BAHCC1: variants seen among roughly 807,000 people sequenced by gnomAD.
The protein encoded by BAHCC1 is BAH and coiled-coil domain-containing protein 1.
Under a neutral mutation model 88.2 loss-of-function variants are expected in BAHCC1, and 43 were observed. The ratio of observed to expected loss-of-function variants is 0.49; its 90% CI spans 0.38 to 0.63. BAHCC1 has a LOEUF of 0.63. Ranked by LOEUF, BAHCC1 falls within the 20% of genes least tolerant of loss-of-function variation. BAHCC1 has a pLI of 0.00. For missense variants in BAHCC1, 3,023 were observed against 1,654.8 expected (o/e 1.83, Z -14.34); for synonymous variants, 1,510 against 745.5 (o/e 2.03, Z -16.71).
rs1470584666 is a variant in BAHCC1, at chr17:81,411,616, G to T, written c.178+11699G>T. ...CAGCACCCACGAAGACGGGTGAGCT[G>T]CTGGCCACCCGAAGAGGGTGTGGGG... On this transcript the variant is annotated intron_variant, in intron 2 of 27. Coordinates refer to ENST00000675386, the MANE Select transcript of BAHCC1 (RefSeq NM_001377448.1). This position sits in a 1 kb window ranked among gnomAD's most constrained non-coding sequence, Gnocchi z 6.2. 9.2e-6 allele frequency: 4 copies of T among 434,206 alleles called. No homozygotes were observed. Among genetic ancestry groups the T allele is most frequent in the Non-Finnish European group, 1.8e-5 (4 of 217,240 alleles). The allele number at this position is 434,206 out of a possible 1,614,324, so 26.9% of individuals were successfully genotyped here.
chr17:81,451,136 ACTTTGAACTTGGTTG>A (rs1906503991), intron 11 of BAHCC1: 2 of 155,136 alleles, frequency 1.3e-5, no homozygotes, highest in African/African-American at 4.8e-5. Context: ...TCTCCGCGTG[ACTTTGAACTTGGTTG>A]AAGCCACGTA....
In BAHCC1 at chr17:81,399,526, C is replaced by G; in HGVS notation, c.-206-8C>G. On this transcript the variant is annotated splice_polypyrimidine_tract_variant and splice_region_variant and intron_variant, in intron 1 of 27. Transcript: ENST00000675386. This position sits in a 1 kb window ranked among gnomAD's most constrained non-coding sequence, Gnocchi z 4.5. ...TCACCCGTGTCTCCTCTGCTTTTGC[C>G]TCCACAGACCATGGACCCGCACAGC... The G allele has an allele frequency of 2.7e-6, 1 of 363,910 alleles. No individual in the cohort carries two copies. The highest frequency in any genetic ancestry group is 5.5e-6 in the Non-Finnish European group (1 of 181,878). 22.5% of individuals were successfully genotyped at this position (363,910 alleles called of 1,614,324 possible).
intron 6 of BAHCC1, 128 bp from the exon 7 acceptor site, chr17:81,444,253 A>G: frequency 3.2e-6 from 2 of 617,906 alleles, no homozygotes; most frequent in Non-Finnish European, 5.8e-6. Flanking sequence ...GGGGTGGGAC[A>G]GGGAGTCAGG....
At chr17:81,450,778 G>A (rs1162385972) in intron 11 of BAHCC1, among the ~76,000 whole-genome samples, 2 of 152,218 alleles carry the variant, frequency 1.3e-5, no homozygotes, top group Non-Finnish European at 2.9e-5. Context: ...ACAAGGAATC[G>A]AGGGCCTGGG....
intron 3 of BAHCC1, among the ~76,000 whole-genome samples, chr17:81,436,713 C>G (rs1555651805): frequency 6.6e-6 from 1 of 152,194 alleles, no homozygotes; most frequent in East Asian, 1.9e-4. Flanking sequence ...GCCAGTCGGC[C>G]AGGCTCGAGC....
chr17:81,454,802 ACTCAGGCCCCAGTAGC>A (rs1555656833), intron 14 of BAHCC1, among the ~76,000 whole-genome samples: 2 of 151,450 alleles, frequency 1.3e-5, no homozygotes, highest in Non-Finnish European at 2.9e-5. Flanking sequence ...CTGCAGCCCC[ACTCAGGCCCCAGTAGC>A]AGCAGAGCCC....
At chr17:81,462,481 A>T in intron 26 of BAHCC1, 1 of 544,276 alleles carries the variant, frequency 1.8e-6, no homozygotes, top group Non-Finnish European at 3.2e-6. Flanking sequence ...CGTCTTGTCC[A>T]CATGTCCCTG....
rs1555645452 is a variant in BAHCC1, at chr17:81,399,192, C to T, written c.-206-342C>T. ...TGGCTTCGCAGATTTGGGTTTTTAT[C>T]ACCCAGCAGAGCCAGCAGCCTCTTC... On this transcript the variant is annotated intron_variant, in intron 1 of 27. Transcript: ENST00000675386. This position sits in a 1 kb window ranked among gnomAD's most constrained non-coding sequence, Gnocchi z 4.5. The T allele has an allele frequency of 4.7e-6, 2 of 422,094 alleles. No homozygotes were observed. The highest frequency in any genetic ancestry group is 2.5e-5 in the Admixed American group (1 of 39,414). 26.1% of individuals were successfully genotyped at this position (422,094 alleles called of 1,614,324 possible).
At position 81,447,181 on chromosome 17, in the gene BAHCC1, TG is replaced by T; in HGVS notation, c.3313del (p.Glu1105SerfsTer47). ...CTGAGCCCACAAGGACATTCCTGCC[TG>T]GGGAGCCGCCTCCCTGCAGCCCCAG... is the stretch of plus-strand genomic sequence containing the variant. Reference protein sequence around the residue: ...QPEPTRTFLPGEPPPCSPRSL... With the variant: ...QPEPTRTFLPXEPPPCSPRSL... On this transcript the variant is annotated frameshift_variant, in exon 11 of 28. Transcript: ENST00000675386. LOFTEE classifies it high-confidence loss of function. The T allele has an allele frequency of 2.6e-6, 2 of 770,244 alleles. No homozygotes were observed. Among genetic ancestry groups the T allele is most frequent in the Admixed American group, 1.7e-5 (1 of 57,652 alleles). The allele number at this position is 770,244 out of a possible 1,614,324, so 47.7% of individuals were successfully genotyped here.
intron 4 of BAHCC1, among the ~76,000 whole-genome samples, chr17:81,439,602 G>A (rs549608261): frequency 2.0e-5 from 3 of 151,908 alleles, no homozygotes; most frequent in South Asian, 2.1e-4. Context: ...GGAGAGGGAC[G>A]CCCAGGCTGT....
At chr17:81,460,049 T>TG (rs1203710940) in intron 23 of BAHCC1, among the ~76,000 whole-genome samples, 1 of 152,066 alleles carries the variant, frequency 6.6e-6, no homozygotes, top group Non-Finnish European at 1.5e-5. Context: ...TGGGGAGGTC[T>TG]GGTTCTGGGC....
At chr17:81,417,687 G>A (rs984574827) in intron 2 of BAHCC1, among the ~76,000 whole-genome samples, 20 of 152,072 alleles carry the variant, frequency 1.3e-4, no homozygotes, top group Admixed American at 7.9e-4. Context: ...ATCACCTCCG[G>A]GCCGTTTCCA....
intron 2 of BAHCC1, chr17:81,402,142 C>T (rs2063824683): frequency 6.6e-6 from 1 of 152,192 alleles, no homozygotes; most frequent in South Asian, 2.1e-4. Context: ...GGGGCTGCCT[C>T]TTTCAGGGTC....
chr17:81,404,459 G>C (rs1567993516), intron 2 of BAHCC1, among the ~76,000 whole-genome samples: 1 of 152,202 alleles, frequency 6.6e-6, no homozygotes, highest in African/African-American at 2.4e-5. Flanking sequence ...GGCCAGAGTG[G>C]GGAGGGGATG....
rs2064554333 is a variant in BAHCC1 at position 81,447,544 on chromosome 17, G to GGACGAGCTGGAGGAA, written c.3683_3697dup (p.Glu1228_Leu1232dup). 2 of 756,824 alleles carry GGACGAGCTGGAGGAA rather than the reference G, an allele frequency of 2.6e-6. No homozygotes were observed. The highest frequency in any genetic ancestry group is 4.9e-6 in the Non-Finnish European group (2 of 407,026). 46.9% of individuals were successfully genotyped at this position (756,824 alleles called of 1,614,324 possible). On this transcript the variant is annotated inframe_insertion, in exon 11 of 28. Transcript: ENST00000675386. ...AGGGGGAGCAGCCGGCCCCTGAGGA[G>GGACGAGCTGGAGGAA]GACGAGCTGGAGGAAGACGAGCTGG...
Position 81,455,274 on chromosome 17 carries a change from C to T in BAHCC1, c.4453C>T (p.Arg1485Trp), listed in dbSNP as rs782212786. 1.4e-6 allele frequency: 1 copy of T among 715,806 alleles called. No homozygotes were observed. The allele number at this position is 715,806 out of a possible 1,614,324, so 44.3% of individuals were successfully genotyped here. A position where few individuals can be genotyped will look rare whatever the true frequency, so the allele number is the denominator to read the frequency against. ...ACCACCCCATGCCCCCAGGGCGGTGCGGACAAGCCTGGGTCTGCTGTGTGC... is the reference window on the plus strand; with the variant it reads ...ACCACCCCATGCCCCCAGGGCGGTGTGGACAAGCCTGGGTCTGCTGTGTGC... The part of the protein sequence containing the change: ...RSDGKKVKAV[R>W]TSLGLLCAEL... The change falls in exon 15 of 28, where the codon CGG (arginine) becomes TGG (tryptophan). Residue 1485 changes from arginine to tryptophan, a missense_variant. Physicochemically the swap from Arg to Trp is moderately radical, Grantham distance 101. Transcript: ENST00000675386.
chr17:81,398,413 A>C (rs2143141269), intron 1 of BAHCC1, among the ~76,000 whole-genome samples: 1 of 152,332 alleles, frequency 6.6e-6, no homozygotes, highest in South Asian at 2.1e-4. Context: ...TGCTGGCAGA[A>C]GGTTGTGCTG....
chr17:81,443,770 C>T, intron 5 of BAHCC1, 39 bp from the exon 6 acceptor site: 1 of 703,986 alleles, frequency 1.4e-6, no homozygotes, highest in Non-Finnish European at 2.6e-6. Flanking sequence ...TCCCTGGCCG[C>T]CCCAACCCTC....
rs1319300181 is a variant in BAHCC1 at position 81,458,418 on chromosome 17, C to T, written c.5295C>T (p.Arg1765=). The T allele has an allele frequency of 2.7e-6, 2 of 743,288 alleles. No homozygotes were observed. The highest frequency in any genetic ancestry group is 3.4e-5 in the African/African-American group (2 of 58,470). The allele number at this position is 743,288 out of a possible 1,614,324, so 46.0% of individuals were successfully genotyped here. ...AGGGCAGCCAGCTGGCCAGTGAGCG[C>T]CTCAAGAGGGCCACGCGCAAGGGCA... ...REEGSQLASE[R]LKRATRKGTV... The change falls in exon 18 of 28, where the codon CGC becomes CGT. Residue 1765 remains arginine (R), a synonymous_variant. Coordinates refer to ENST00000675386, the MANE Select transcript of BAHCC1 (RefSeq NM_001377448.1).
Sources: gnomAD v4.1 joint callset for allele counts (sites outside exome capture counted in the v4.1 genomes callset) on GRCh38, gnomAD v4.1.1 for gene constraint, Gnocchi (gnomAD v3.1) non-coding constraint, MANE v1.5 for transcripts, NCBI Gene and HGNC (gene_info 2026-07-23, HGNC 2026-07-21) for gene names.